Variants in FBXO36 observed in about 807,000 individuals in gnomAD.
FBXO36 encodes F-box protein 36, also known as F-box only protein 36.
FBXO36 carries 18 observed loss-of-function variants against 17.0 expected under a neutral mutation model. The observed-to-expected ratio is 1.06, with a 90% CI of 0.73 to 1.57. FBXO36 has a LOEUF of 1.57. Among genes scored for constraint, FBXO36 ranks in the 40% most tolerant of loss-of-function variants. FBXO36 has a pLI of 0.00. For missense variants in FBXO36, 229 were observed against 221.9 expected, an observed-to-expected ratio of 1.03 and a Z score of -0.20; for synonymous variants, 83 against 85.3, an observed-to-expected ratio of 0.97 and a Z score of 0.15.
chr2:229,972,380 T>A (rs963338472), intron 1 of FBXO36, among the ~76,000 whole-genome samples: 6 of 152,140 alleles, frequency 3.9e-5, no homozygotes, highest in Admixed American at 1.3e-4. Flanking sequence ...ATAATTATCT[T>A]TGAAGATTAT....
chr2:230,002,998 G>C (rs2077367980), intron 3 of FBXO36, among the ~76,000 whole-genome samples: 1 of 151,916 alleles, frequency 6.6e-6, no homozygotes, highest in Non-Finnish European at 1.5e-5. Context: ...GGATCACGAG[G>C]TCAGGAGATC....
intron 1 of FBXO36, among the ~76,000 whole-genome samples, chr2:229,963,370 G>C (rs1406713269): frequency 1.3e-5 from 2 of 149,686 alleles, no homozygotes; most frequent in Non-Finnish European, 3.0e-5. Context: ...GGCCCCCCAG[G>C]TTGTTTTTTT....
intron 1 of FBXO36, among the ~76,000 whole-genome samples, chr2:229,955,007 G>A (rs1037686934): frequency 1.3e-4 from 19 of 151,568 alleles, no homozygotes; most frequent in African/African-American, 2.7e-4. Context: ...GCGCCACCAC[G>A]CCCGGCTAAT....
intron 1 of FBXO36, among the ~76,000 whole-genome samples, chr2:229,969,730 T>G (rs564507401): frequency 7.2e-5 from 11 of 152,240 alleles, no homozygotes; most frequent in African/African-American, 2.6e-4. Context: ...AATTGGACTT[T>G]GTCAAAATTA....
chr2:229,992,733 C>G (rs775465319), intron 2 of FBXO36, among the ~76,000 whole-genome samples: 9 of 152,216 alleles, frequency 5.9e-5, no homozygotes, highest in Non-Finnish European at 1.3e-4. Context: ...TTATCTCAAA[C>G]AGTTCCAGTG....
At chr2:229,938,633 C>T (rs1212540585) in intron 1 of FBXO36, among the ~76,000 whole-genome samples, 3 of 148,230 alleles carry the variant, frequency 2.0e-5, no homozygotes, top group African/African-American at 7.5e-5. Flanking sequence ...TACAGGCACC[C>T]GCCATCATTC....
In FBXO36 at chr2:229,922,522, G is replaced by T. The variant is rs769932493; in HGVS notation, c.9G>T (p.Ser3=). The T allele has an allele frequency of 6.2e-7, 1 of 1,613,708 alleles. No individual in the cohort carries two copies. The highest frequency in any genetic ancestry group is 1.3e-5 in the African/African-American group (1 of 74,906). Residue 3 remains serine, a synonymous_variant, in exon 1 of 4, where the codon TCG becomes TCT. Transcript: ENST00000283946. MA[S]WLPETLFETV... is the part of the protein sequence containing the mutation. Reference sequence around the variant, plus strand: ...GGCGGTGGCGTCCCAAGATGGCGTCGTGGCTGCCGGAGACTCTCTTTGAAA... The same window carrying T: ...GGCGGTGGCGTCCCAAGATGGCGTCTTGGCTGCCGGAGACTCTCTTTGAAA...
intron 1 of FBXO36, among the ~76,000 whole-genome samples, chr2:229,961,761 A>T (rs546470621): frequency 6.6e-6 from 1 of 152,208 alleles, no homozygotes; most frequent in African/African-American, 2.4e-5. Context: ...TTAGGTTTAC[A>T]TATTCATTTG....
At chr2:229,930,444 C>T (rs1322655841) in intron 1 of FBXO36, among the ~76,000 whole-genome samples, 2 of 152,098 alleles carry the variant, frequency 1.3e-5, no homozygotes, top group African/African-American at 2.4e-5. Context: ...TTATTCTTCC[C>T]TCTTCCCTTA....
chr2:229,939,492 T>C (rs2076985904), intron 1 of FBXO36, among the ~76,000 whole-genome samples: 1 of 151,296 alleles, frequency 6.6e-6, no homozygotes, highest in Non-Finnish European at 1.5e-5. Context: ...GCACCTGTAA[T>C]CCCAGCTATT....
At chr2:229,997,503 G>A (rs1046621907) in intron 3 of FBXO36, among the ~76,000 whole-genome samples, 19 of 151,722 alleles carry the variant, frequency 1.3e-4, no homozygotes, top group Non-Finnish European at 2.4e-4. Flanking sequence ...ACTTGAACCC[G>A]GGAGGTGGAG....
At chr2:229,995,586 T>C (rs796098729) in intron 2 of FBXO36, among the ~76,000 whole-genome samples, 7 of 87,574 alleles carry the variant, frequency 8.0e-5, no homozygotes, top group South Asian at 4.1e-4. Context: ...TTCTTTCTCT[T>C]TCTTTCTTTC....
At chr2:229,926,139 A>T (rs1577323287) in intron 1 of FBXO36, among the ~76,000 whole-genome samples, 1 of 151,180 alleles carries the variant, frequency 6.6e-6, no homozygotes, top group East Asian at 1.9e-4. Flanking sequence ...AAAAAAAAAA[A>T]AAAAAAGGGG....
intron 2 of FBXO36, among the ~76,000 whole-genome samples, chr2:229,992,021 G>T (rs561229157): frequency 1.3e-5 from 2 of 152,284 alleles, no homozygotes; most frequent in East Asian, 3.9e-4. Context: ...TCCTTTTTAA[G>T]AGACCTTCCT....
chr2:229,988,457 C>CT (rs1363090685), intron 2 of FBXO36, among the ~76,000 whole-genome samples: 1 of 152,118 alleles, frequency 6.6e-6, no homozygotes. Flanking sequence ...AACACTTTAC[C>CT]TTTTCACCAG....
intron 1 of FBXO36, among the ~76,000 whole-genome samples, chr2:229,953,965 A>G (rs1212687289): frequency 6.6e-6 from 1 of 152,072 alleles, no homozygotes; most frequent in Non-Finnish European, 1.5e-5. Context: ...CTCCCACCTC[A>G]AGGGATACAT....
intron 1 of FBXO36, among the ~76,000 whole-genome samples, chr2:229,947,759 C>G (rs1467007581): frequency 6.6e-6 from 1 of 152,062 alleles, no homozygotes; most frequent in Non-Finnish European, 1.5e-5. Flanking sequence ...CTAGTGCCAC[C>G]AAAATAAGGA....
intron 3 of FBXO36, among the ~76,000 whole-genome samples, chr2:230,008,085 G>A (rs2077396319): frequency 6.6e-6 from 1 of 152,134 alleles, no homozygotes; most frequent in South Asian, 2.1e-4. Context: ...TGTCTCAGGG[G>A]ACTCTAGAAG....
chr2:230,002,309 T>C (rs1214748777), intron 3 of FBXO36, among the ~76,000 whole-genome samples: 1 of 152,204 alleles, frequency 6.6e-6, no homozygotes, highest in Non-Finnish European at 1.5e-5. Flanking sequence ...TTTTGCTGTT[T>C]TATGTCCAAT....
Sources: gnomAD v4.1 joint callset for allele counts (sites outside exome capture counted in the v4.1 genomes callset) on GRCh38, gnomAD v4.1.1 for gene constraint, MANE v1.5 for transcripts, NCBI Gene and HGNC (gene_info 2026-07-23, HGNC 2026-07-21) for gene names.